Variants in FRMD5 observed in about 807,000 individuals in gnomAD.
FRMD5 encodes the protein FERM domain-containing protein 5.
Under a neutral mutation model 69.0 loss-of-function variants are expected in FRMD5, and 20 were observed. The observed-to-expected ratio is 0.29, with a 90% CI of 0.20 to 0.42. FRMD5 has a LOEUF of 0.42. FRMD5 is among the 10% of genes least tolerant of loss of function. FRMD5 has a pLI of 1.00. For missense variants in FRMD5, 595 were observed against 708.6 expected (o/e 0.84, Z 1.82); for synonymous variants, 271 against 260.1 (o/e 1.04, Z -0.40).
intron 1 of FRMD5, 114 bp from the exon 2 acceptor site, chr15:43,924,423 G>C: frequency 1.4e-6 from 1 of 706,422 alleles, no homozygotes; most frequent in Non-Finnish European, 2.5e-6. Flanking sequence ...TATGAAAGGG[G>C]TGAATGTCCA....
intron 1 of FRMD5, among the ~76,000 whole-genome samples, chr15:44,071,951 T>C (rs988412504): frequency 6.6e-6 from 1 of 152,154 alleles, no homozygotes; most frequent in Non-Finnish European, 1.5e-5. Context: ...CTGCAACCTC[T>C]GCCTCCTGGG....
intron 1 of FRMD5, among the ~76,000 whole-genome samples, chr15:44,010,404 T>TA: frequency 6.6e-6 from 1 of 150,832 alleles, no homozygotes; most frequent in African/African-American, 2.4e-5. Context: ...CCTTTTCTTT[T>TA]TTTTTTTTTT....
intron 1 of FRMD5, among the ~76,000 whole-genome samples, chr15:43,950,846 A>G (rs540517954): frequency 6.9e-4 from 105 of 152,326 alleles, no homozygotes; most frequent in Middle Eastern, 3.4e-3. Context: ...TTCCCCTGCC[A>G]TCATTTTGGT....
chr15:43,910,011 G>C (rs1478029813), intron 4 of FRMD5, 32 bp from the exon 5 acceptor site: 3 of 1,203,692 alleles, frequency 2.5e-6, no homozygotes, highest in Non-Finnish European at 3.7e-6. Context: ...AACTATAAAG[G>C]ATTTCTTTGA....
intron 1 of FRMD5, among the ~76,000 whole-genome samples, chr15:44,184,593 G>T (rs1351823864): frequency 6.6e-6 from 1 of 152,088 alleles, no homozygotes; most frequent in Non-Finnish European, 1.5e-5. Flanking sequence ...AATCTTACCA[G>T]CAAAGGTATA....
chr15:44,131,560 T>C (rs1321256928), intron 1 of FRMD5, among the ~76,000 whole-genome samples: 1 of 152,184 alleles, frequency 6.6e-6, no homozygotes, highest in Admixed American at 6.5e-5. Flanking sequence ...AACAGATGAA[T>C]GAATATGCAA....
At chr15:44,066,414 G>T (rs982398991) in intron 1 of FRMD5, among the ~76,000 whole-genome samples, 1 of 152,094 alleles carries the variant, frequency 6.6e-6, no homozygotes, top group Non-Finnish European at 1.5e-5. Flanking sequence ...ATTGGAGAGC[G>T]CCCTCTGGTG....
chr15:44,107,901 T>C (rs2076742050), intron 1 of FRMD5, among the ~76,000 whole-genome samples: 1 of 152,194 alleles, frequency 6.6e-6, no homozygotes, highest in African/African-American at 2.4e-5. Context: ...AATATGACAA[T>C]TAATTCTCAA....
At chr15:44,175,815 T>C (rs2077884799) in intron 1 of FRMD5, among the ~76,000 whole-genome samples, 1 of 152,090 alleles carries the variant, frequency 6.6e-6, no homozygotes, top group South Asian at 2.1e-4. Flanking sequence ...CACACTAACA[T>C]GAATGAATCT....
intron 13 of FRMD5, among the ~76,000 whole-genome samples, chr15:43,877,540 G>A (rs1311704001): frequency 6.6e-6 from 1 of 152,180 alleles, no homozygotes; most frequent in Middle Eastern, 3.2e-3. Flanking sequence ...AATGAGCCCT[G>A]GAATCTGGGT....
intron 1 of FRMD5, among the ~76,000 whole-genome samples, chr15:44,190,149 A>G (rs2140607499): frequency 6.6e-6 from 1 of 152,348 alleles, no homozygotes; most frequent in African/African-American, 2.4e-5. Context: ...TCTTTAGTAC[A>G]AGCCTTAACT....
intron 1 of FRMD5, among the ~76,000 whole-genome samples, chr15:44,151,296 C>G (rs2077442739): frequency 6.6e-6 from 1 of 150,908 alleles, no homozygotes. Context: ...ACTTGGGAGG[C>G]TGAGGCAGGA....
chr15:44,029,228 C>T (rs532248979), intron 1 of FRMD5, among the ~76,000 whole-genome samples: 3 of 152,278 alleles, frequency 2.0e-5, no homozygotes, highest in Admixed American at 1.3e-4. Context: ...AGTTTGTAAC[C>T]TTTATGGAAT....
intron 1 of FRMD5, among the ~76,000 whole-genome samples, chr15:44,189,246 A>T (rs952224499): frequency 2.0e-5 from 3 of 152,210 alleles, no homozygotes; most frequent in Admixed American, 2.0e-4. Flanking sequence ...ATCTTTAGAA[A>T]TAATACAACA....
chr15:43,891,592 T>C (rs1317644231), intron 8 of FRMD5, among the ~76,000 whole-genome samples: 1 of 152,146 alleles, frequency 6.6e-6, no homozygotes, highest in Non-Finnish European at 1.5e-5. Context: ...GTAAGGGCAC[T>C]AAGCCATCCA....
intron 1 of FRMD5, among the ~76,000 whole-genome samples, chr15:43,972,802 T>A (rs2090401704): frequency 6.6e-6 from 1 of 152,204 alleles, no homozygotes; most frequent in Non-Finnish European, 1.5e-5. Context: ...GTCTCCTAGG[T>A]AACTTCTAGT....
intron 11 of FRMD5, 79 bp from the exon 12 acceptor site, chr15:43,884,874 C>T: frequency 7.9e-7 from 1 of 1,260,880 alleles, no homozygotes. Context: ...ATCTTAGGTG[C>T]TTTCCCTGAA....
chr15:44,060,819 T>C (rs1469784623), intron 1 of FRMD5, among the ~76,000 whole-genome samples: 1 of 152,210 alleles, frequency 6.6e-6, no homozygotes, highest in African/African-American at 2.4e-5. Context: ...AATCTGAGAA[T>C]ACTTGGATTA....
intron 1 of FRMD5, among the ~76,000 whole-genome samples, chr15:44,113,057 T>A (rs926210941): frequency 1.3e-5 from 2 of 152,190 alleles, no homozygotes; most frequent in Admixed American, 6.5e-5. Context: ...TTCTTTAACT[T>A]TTGCCCTTCT....
Sources: allele counts gnomAD v4.1 joint callset (sites outside exome capture counted in the v4.1 genomes callset), GRCh38; gene constraint gnomAD v4.1.1; transcripts MANE v1.5; gene names NCBI Gene and HGNC (gene_info 2026-07-23, HGNC 2026-07-21).